ZNF215: variants seen among roughly 807,000 people sequenced by gnomAD.
The protein encoded by ZNF215 is BWSCR2-associated zinc finger protein 2.
A neutral mutation model predicts 27.2 loss-of-function variants in ZNF215; 24 were observed. The ratio of observed to expected loss-of-function variants is 0.88; its 90% CI spans 0.64 to 1.24. The LOEUF is 1.24. ZNF215 is among the 50% of genes most tolerant of loss of function. ZNF215 has a pLI of 0.00. For synonymous variants in ZNF215, 210 were observed against 204.0 expected, an observed-to-expected ratio of 1.03 and a Z score of -0.25; for missense variants, 675 against 605.7, an observed-to-expected ratio of 1.11 and a Z score of -1.20.
chr11:6,933,962 T>C (rs1402869782), intron 3 of ZNF215, among the ~76,000 whole-genome samples: 4 of 152,152 alleles, frequency 2.6e-5, no homozygotes, highest in Non-Finnish European at 4.4e-5. Context: ...CAAAGTGATA[T>C]AGAGATTAGT....
chr11:6,959,473 A>C (rs1246051047), downstream of ZNF215, among the ~76,000 whole-genome samples: 1 of 152,128 alleles, frequency 6.6e-6, no homozygotes, highest in Non-Finnish European at 1.5e-5. Context: ...TGAAGTAACA[A>C]GATAAAACTC....
chr11:6,988,866 C>T (rs1851088599), downstream of ZNF215: 1 of 152,006 alleles, frequency 6.6e-6, no homozygotes, highest in East Asian at 1.9e-4. Context: ...ATCCTATAAT[C>T]CTCTTAAGAA....
intron 1 of ZNF215, 61 bp downstream of exon 1, chr11:6,926,746 G>A (rs1213861650): frequency 6.6e-6 from 1 of 152,388 alleles, no homozygotes; most frequent in Non-Finnish European, 1.5e-5. Flanking sequence ...TCTCGTCAGC[G>A]GGCGGTGGGG....
intron 3 of ZNF215, among the ~76,000 whole-genome samples, chr11:6,937,385 A>C (rs1163363308): frequency 2.0e-5 from 3 of 151,922 alleles, no homozygotes; most frequent in African/African-American, 7.2e-5. Context: ...AGACCTAAGT[A>C]AATCCTGCGT....
chr11:6,942,595 G>A (rs75399691), intron 4 of ZNF215, among the ~76,000 whole-genome samples: 11,222 of 152,134 alleles, frequency 0.074, 611 homozygotes, highest in African/African-American at 0.15. Flanking sequence ...CATTTGATGA[G>A]TGACATTAAA....
At chr11:6,962,979 G>T (rs1259276766), downstream of ZNF215, among the ~76,000 whole-genome samples, 2 of 151,978 alleles carry the variant, frequency 1.3e-5, no homozygotes, top group East Asian at 1.9e-4. Flanking sequence ...TTGTATTCTA[G>T]GTTTCTCTTC....
intron 5 of ZNF215, among the ~76,000 whole-genome samples, chr11:6,979,540 A>G (rs1850905275): frequency 6.6e-6 from 1 of 152,010 alleles, no homozygotes; most frequent in Admixed American, 6.6e-5. Flanking sequence ...AAATAGTCCA[A>G]TTAAAAGGAG....
At chr11:6,990,188 T>C (rs1217369403), downstream of ZNF215, among the ~76,000 whole-genome samples, 3 of 152,184 alleles carry the variant, frequency 2.0e-5, no homozygotes, top group Non-Finnish European at 4.4e-5. Context: ...GCCAAAGTAT[T>C]GGTCTCCATG....
At chr11:6,982,411 T>C (rs959231855) in intron 5 of ZNF215, among the ~76,000 whole-genome samples, 21 of 152,100 alleles carry the variant, frequency 1.4e-4, no homozygotes, top group Non-Finnish European at 2.5e-4. Flanking sequence ...GCAGACCTAA[T>C]AGACATCTAC....
chr11:6,941,683 A>G, intron 4 of ZNF215, 30 bp downstream of exon 4: 1 of 1,607,662 alleles, frequency 6.2e-7, no homozygotes, highest in Non-Finnish European at 8.5e-7. Context: ...TTTACTGAAC[A>G]CATATGCTCA....
chr11:6,949,226 T>G (rs978212987), intron 6 of ZNF215, among the ~76,000 whole-genome samples: 19 of 152,252 alleles, frequency 1.2e-4, no homozygotes, highest in African/African-American at 4.1e-4. Context: ...CATGTGTCTT[T>G]ATAGCAGCAT....
chr11:6,968,727 A>T (rs1348762753), intron 5 of ZNF215, among the ~76,000 whole-genome samples: 2 of 152,024 alleles, frequency 1.3e-5, no homozygotes, highest in Admixed American at 6.6e-5. Flanking sequence ...TTAGCCAGGC[A>T]TGGTGTCACA....
At chr11:6,969,549 T>C (rs1451077487) in intron 5 of ZNF215, among the ~76,000 whole-genome samples, 1 of 151,180 alleles carries the variant, frequency 6.6e-6, no homozygotes, top group Non-Finnish European at 1.5e-5. Flanking sequence ...TATAAATGTT[T>C]AATTAAACAT....
chr11:6,964,641 G>A (rs1850581016), intron 5 of ZNF215, among the ~76,000 whole-genome samples: 1 of 149,970 alleles, frequency 6.7e-6, no homozygotes, highest in African/African-American at 2.4e-5. Flanking sequence ...CTTGATTAAT[G>A]AATATTTAGC....
At chr11:6,942,502 A>T (rs558386139) in intron 4 of ZNF215, among the ~76,000 whole-genome samples, 4 of 152,234 alleles carry the variant, frequency 2.6e-5, no homozygotes, top group Admixed American at 1.3e-4. Context: ...GTAATTGTAG[A>T]TAGTAATAAT....
chr11:6,933,710 G>GC (rs952658698), intron 3 of ZNF215, among the ~76,000 whole-genome samples: 1 of 151,524 alleles, frequency 6.6e-6, no homozygotes, highest in Non-Finnish European at 1.5e-5. Context: ...CAGGAGAATG[G>GC]CGTGAACCCA....
At chr11:6,970,265 A>C (rs552763990) in intron 5 of ZNF215, among the ~76,000 whole-genome samples, 5 of 152,304 alleles carry the variant, frequency 3.3e-5, no homozygotes, top group East Asian at 3.9e-4. Flanking sequence ...ATTTGTACAG[A>C]AAAAAATGAT....
intron 2 of ZNF215, 43 bp from the exon 3 acceptor site, chr11:6,932,051 A>G (rs1462677058): frequency 8.1e-6 from 4 of 491,414 alleles, no homozygotes; most frequent in African/African-American, 5.7e-5. Flanking sequence ...CACTATGCTA[A>G]TAGATGTTTG....
intron 5 of ZNF215, among the ~76,000 whole-genome samples, chr11:6,983,774 A>G (rs556354109): frequency 6.6e-6 from 1 of 152,290 alleles, no homozygotes; most frequent in East Asian, 1.9e-4. Flanking sequence ...TACATATGGC[A>G]AAGGAAGTGC....
Sources: gnomAD v4.1 joint callset for allele counts (sites outside exome capture counted in the v4.1 genomes callset) on GRCh38, gnomAD v4.1.1 for gene constraint, MANE v1.5 for transcripts, NCBI Gene and HGNC (gene_info 2026-07-23, HGNC 2026-07-21) for gene names.